Variants in AKAP19 observed in about 807,000 individuals in gnomAD.
AKAP19 encodes small A-kinase anchoring protein.
the AKAP19 span, among the ~76,000 whole-genome samples, chr2:190,015,860 G>T: frequency 6.6e-6 from 1 of 152,142 alleles, no homozygotes; most frequent in African/African-American, 2.4e-5. Context: ...CAATTTGAAA[G>T]TTCCACAGAT....
chr2:190,038,363 A>G, the AKAP19 span, among the ~76,000 whole-genome samples: 2 of 152,198 alleles, frequency 1.3e-5, no homozygotes, highest in Non-Finnish European at 2.9e-5. Context: ...CTTAGAAACC[A>G]TCTGGAGAGG....
chr2:189,963,998 A>C, the AKAP19 span, among the ~76,000 whole-genome samples: 5 of 152,038 alleles, frequency 3.3e-5, no homozygotes, highest in Non-Finnish European at 7.4e-5. Context: ...CAAGCCATCC[A>C]CCACCTTGGC....
At chr2:190,082,969 A>G in the AKAP19 span, among the ~76,000 whole-genome samples, 261 of 152,348 alleles carry the variant, frequency 1.7e-3, 1 homozygote, top group African/African-American at 5.7e-3. Flanking sequence ...GTATATATTT[A>G]TGGTAGACAA....
chr2:190,047,709 T>C, the AKAP19 span, among the ~76,000 whole-genome samples: 1 of 152,222 alleles, frequency 6.6e-6, no homozygotes, highest in Admixed American at 6.5e-5. Flanking sequence ...ACCAGAGATA[T>C]TCTGAATTGT....
chr2:190,141,333 CT>C, the AKAP19 span, among the ~76,000 whole-genome samples: 4 of 152,182 alleles, frequency 2.6e-5, no homozygotes, highest in African/African-American at 9.7e-5. Flanking sequence ...TATAGCAGCA[CT>C]CCACTCTACT....
At chr2:190,125,735 C>T in the AKAP19 span, among the ~76,000 whole-genome samples, 2 of 151,990 alleles carry the variant, frequency 1.3e-5, no homozygotes, top group Non-Finnish European at 2.9e-5. Context: ...GAGCAAAATG[C>T]CTTTCTATAG....
the AKAP19 span, chr2:189,923,534 G>A: frequency 6.2e-7 from 1 of 1,613,948 alleles, no homozygotes; most frequent in South Asian, 1.1e-5. Context: ...CCGGGCTGCT[G>A]TAGCAGGAGA....
At chr2:189,974,585 A>T in the AKAP19 span, among the ~76,000 whole-genome samples, 1 of 152,158 alleles carries the variant, frequency 6.6e-6, no homozygotes, top group Non-Finnish European at 1.5e-5. Context: ...GGGGTGTTAA[A>T]GTCTCCCATT....
the AKAP19 span, among the ~76,000 whole-genome samples, chr2:189,901,469 C>T: frequency 6.6e-6 from 1 of 152,108 alleles, no homozygotes; most frequent in East Asian, 1.9e-4. Flanking sequence ...TCCCGAGTAG[C>T]TGGGACTACA....
chr2:190,018,504 C>G, the AKAP19 span, among the ~76,000 whole-genome samples: 1 of 151,872 alleles, frequency 6.6e-6, no homozygotes, highest in East Asian at 1.9e-4. Flanking sequence ...TAAATTGCTT[C>G]TATTTCATTG....
chr2:190,017,775 A>G, the AKAP19 span, among the ~76,000 whole-genome samples: 10 of 152,104 alleles, frequency 6.6e-5, no homozygotes, highest in Non-Finnish European at 1.3e-4. Context: ...GTTTTATGTT[A>G]TTACTTAGCA....
chr2:190,041,722 G>A, the AKAP19 span, among the ~76,000 whole-genome samples: 1 of 152,078 alleles, frequency 6.6e-6, no homozygotes, highest in African/African-American at 2.4e-5. Context: ...TTTTTATGTT[G>A]AAAGGATGCT....
At chr2:189,987,080 C>G in the AKAP19 span, among the ~76,000 whole-genome samples, 23 of 152,256 alleles carry the variant, frequency 1.5e-4, no homozygotes, top group South Asian at 4.8e-3. Context: ...TTGGCTGTGT[C>G]CCCACCCAAA....
the AKAP19 span, among the ~76,000 whole-genome samples, chr2:189,885,158 T>C: frequency 6.6e-6 from 1 of 152,174 alleles, no homozygotes; most frequent in East Asian, 1.9e-4. Flanking sequence ...TGGGATCTGT[T>C]CCTCCACTCT....
the AKAP19 span, among the ~76,000 whole-genome samples, chr2:189,976,729 C>T: frequency 6.6e-6 from 1 of 152,214 alleles, no homozygotes; most frequent in African/African-American, 2.4e-5. Context: ...TTTCAGTCTG[C>T]TGTGCTAGCA....
At chr2:190,176,007 A>G in the AKAP19 span, among the ~76,000 whole-genome samples, 1 of 152,192 alleles carries the variant, frequency 6.6e-6, no homozygotes, top group African/African-American at 2.4e-5. The surrounding 1 kb of genome is among the most constrained non-coding windows in gnomAD (Gnocchi z 4.7). Flanking sequence ...CAGAAAACCT[A>G]CCAAACCTGC....
chr2:190,101,308 C>T, the AKAP19 span, among the ~76,000 whole-genome samples: 22 of 152,322 alleles, frequency 1.4e-4, no homozygotes, highest in Non-Finnish European at 2.5e-4. Flanking sequence ...AGAGCTGCTA[C>T]AGTTATGGCT....
At chr2:190,180,221 G>C in the AKAP19 span, among the ~76,000 whole-genome samples, 3 of 152,370 alleles carry the variant, frequency 2.0e-5, no homozygotes, top group African/African-American at 7.2e-5. This position sits in a 1 kb window ranked among gnomAD's most constrained non-coding sequence, Gnocchi z 6.8. Flanking sequence ...CGAGAGTGGG[G>C]TTTCAGGTCA....
the AKAP19 span, among the ~76,000 whole-genome samples, chr2:189,911,514 C>T: frequency 6.6e-6 from 1 of 152,034 alleles, no homozygotes; most frequent in Admixed American, 6.6e-5. Context: ...CAGTATTTAT[C>T]TCATGATTCT....
Sources: gnomAD v4.1 joint callset for allele counts (sites outside exome capture counted in the v4.1 genomes callset) on GRCh38, gnomAD v4.1.1 for gene constraint, Gnocchi (gnomAD v3.1) non-coding constraint, MANE v1.5 for transcripts, NCBI Gene and HGNC (gene_info 2026-07-23, HGNC 2026-07-21) for gene names.